Variants in ZC3H3 observed in about 807,000 individuals in gnomAD.
The protein encoded by ZC3H3 is zinc finger CCCH domain-containing protein 3.
In ZC3H3, 36 loss-of-function variants were observed where a neutral mutation model predicts 77.3. The ratio of observed to expected loss-of-function variants is 0.47; its 90% confidence interval spans 0.36 to 0.61. The LOEUF is 0.61. Among genes scored for constraint, ZC3H3 ranks in the 20% least tolerant of loss-of-function variants. ZC3H3 has a pLI of 0.00. For missense variants in ZC3H3, 1,331 were observed against 1,312.2 expected, an observed-to-expected ratio of 1.01 and a Z score of -0.22; for synonymous variants, 626 against 555.2, an observed-to-expected ratio of 1.13 and a Z score of -1.79.
chr8:143,490,171 G>A (rs1821163085), intron 4 of ZC3H3, among the ~76,000 whole-genome samples: 1 of 152,210 alleles, frequency 6.6e-6, no homozygotes. Context: ...TCCCCAGCAG[G>A]TGGGTGGGGC....
intron 4 of ZC3H3, among the ~76,000 whole-genome samples, chr8:143,504,297 A>G (rs1397626899): frequency 6.6e-6 from 1 of 152,090 alleles, no homozygotes; most frequent in Non-Finnish European, 1.5e-5. Context: ...AGTCCCCGCC[A>G]TGAGCATCAC....
intron 4 of ZC3H3, among the ~76,000 whole-genome samples, chr8:143,480,482 C>T (rs1047458840): frequency 1.3e-5 from 2 of 152,248 alleles, no homozygotes; most frequent in African/African-American, 4.8e-5. Context: ...TCACCCCAGG[C>T]CACGTCATTG....
chr8:143,449,838 T>C (rs561607468), intron 9 of ZC3H3, among the ~76,000 whole-genome samples: 11 of 151,626 alleles, frequency 7.3e-5, no homozygotes, highest in Non-Finnish European at 1.5e-4. Flanking sequence ...GGCAGGAACA[T>C]AGTGCAGCCA....
intron 4 of ZC3H3, among the ~76,000 whole-genome samples, chr8:143,483,094 G>A (rs751908633): frequency 5.3e-5 from 8 of 152,336 alleles, no homozygotes; most frequent in Non-Finnish European, 7.4e-5. Flanking sequence ...ACAATTTTTC[G>A]AAGCTTGGAG....
intron 9 of ZC3H3, among the ~76,000 whole-genome samples, chr8:143,446,553 C>G (rs945681895): frequency 6.6e-6 from 1 of 152,190 alleles, no homozygotes; most frequent in Non-Finnish European, 1.5e-5. Context: ...TTTCCAGAAG[C>G]GAAGACACAA....
chr8:143,457,745 T>C (rs766259708), intron 9 of ZC3H3, among the ~76,000 whole-genome samples: 3 of 152,176 alleles, frequency 2.0e-5, no homozygotes, highest in Non-Finnish European at 4.4e-5. Context: ...TATGCACCTA[T>C]AGTCCCACCT....
intron 9 of ZC3H3, among the ~76,000 whole-genome samples, chr8:143,461,391 T>C (rs946813521): frequency 3.9e-5 from 6 of 152,088 alleles, no homozygotes; most frequent in Admixed American, 1.3e-4. Flanking sequence ...AAAGCCTTGC[T>C]CGCTGCCGGC....
intron 4 of ZC3H3, among the ~76,000 whole-genome samples, chr8:143,478,425 C>T (rs528761706): frequency 7.0e-4 from 106 of 152,332 alleles, no homozygotes; most frequent in Admixed American, 4.4e-3. Context: ...TCCAGGACCG[C>T]CCCACCCACC....
chr8:143,446,888 C>T (rs1819874643), intron 9 of ZC3H3, among the ~76,000 whole-genome samples: 1 of 152,250 alleles, frequency 6.6e-6, no homozygotes, highest in African/African-American at 2.4e-5. Context: ...TGGTCGTCTG[C>T]CTTTTCTATC....
chr8:143,538,428 C>T lies in ZC3H3; in HGVS notation c.939G>A (p.Trp313Ter), dbSNP rs1169579926. Residue 313 changes from tryptophan (W) to a stop codon, truncating the protein, a stop_gained, in exon 2 of 12, where the codon TGG becomes TGA. Coordinates refer to ENST00000262577, the MANE Select transcript of ZC3H3 (RefSeq NM_015117.3). LOFTEE classifies it high-confidence loss of function. Reference protein sequence around the residue: ...TNKFRKNNYKWVAASSKSPRV... With the variant: ...TNKFRKNNYK ...GGGGACTCTTCGAGGAGGCAGCCAC[C>T]CATTTGTAGTTGTTTTTCCGGAACT... The T allele has an allele frequency of 1.2e-6, 2 of 1,613,086 alleles. No homozygotes were observed. The highest frequency in any genetic ancestry group is 3.3e-5 in the Admixed American group (2 of 60,008).
intron 7 of ZC3H3, 33 bp from the exon 8 acceptor site, chr8:143,468,311 G>T (rs748735595): frequency 6.2e-7 from 1 of 1,612,424 alleles, no homozygotes; most frequent in South Asian, 1.1e-5. Flanking sequence ...TATGAGGAAG[G>T]GCCGGCAGGG....
chr8:143,505,389 C>T, intron 4 of ZC3H3, among the ~76,000 whole-genome samples: 1 of 152,236 alleles, frequency 6.6e-6, no homozygotes, highest in Admixed American at 6.5e-5. Flanking sequence ...GGCCCAGACG[C>T]CCTTTCTGCC....
At position 143,468,362 on chromosome 8, in the gene ZC3H3, C is replaced by T; in HGVS notation, c.2105+20G>A. The T allele has an allele frequency of 6.2e-7, 1 of 1,611,954 alleles. No homozygotes were observed. The highest frequency in any genetic ancestry group is 8.5e-7 in the Non-Finnish European group (1 of 1,179,258). ...CTGCACAGAACCTCCCCCAGGCCCA[C>T]AGCGAGGGCAGGAGGGCACCTGGTG... On this transcript the variant is annotated intron_variant, in intron 7 of 11. Coordinates refer to ENST00000262577, the MANE Select transcript of ZC3H3 (RefSeq NM_015117.3).
rs914722026 is a variant in ZC3H3 at position 143,470,366 on chromosome 8, G to A, written c.1904-1707C>T. Among the ~76,000 whole-genome samples, 6 of 152,250 alleles carry A rather than the reference G, an allele frequency of 3.9e-5. No individual in the cohort carries two copies. The East Asian group carries it at 5.8e-4, about 15-fold the overall frequency. On this transcript the variant is annotated intron_variant, in intron 5 of 11. Transcript: ENST00000262577. ...GTTGAAGAACGCAGAAACCTGAGGC[G>A]TGTGGGGGGCCAGGGGCAAAGGGAG...
chr8:143,452,299 G>A (rs1233039183), intron 9 of ZC3H3, among the ~76,000 whole-genome samples: 1 of 152,166 alleles, frequency 6.6e-6, no homozygotes, highest in African/African-American at 2.4e-5. Context: ...CTTCCCCCAA[G>A]GCAGGGAGGG....
chr8:143,510,234 A>G (rs1821830358), intron 3 of ZC3H3, among the ~76,000 whole-genome samples: 1 of 152,172 alleles, frequency 6.6e-6, no homozygotes. Context: ...CGTCACCTAG[A>G]TAGACCCCTC....
At chr8:143,441,203 C>T (rs1370736343) in intron 9 of ZC3H3, 83 bp from the exon 10 acceptor site, 1 of 1,320,622 alleles carries the variant, frequency 7.6e-7, no homozygotes, top group Non-Finnish European at 9.7e-7. Context: ...CCAGGCCAGG[C>T]CCCCCGAGTA....
chr8:143,538,877 C>G lies in ZC3H3; in HGVS notation c.490G>C (p.Gly164Arg). 1 of 1,612,602 alleles carries G rather than the reference C, an allele frequency of 6.2e-7. No individual in the cohort carries two copies. Among genetic ancestry groups the G allele is most frequent in the Non-Finnish European group, 8.5e-7 (1 of 1,179,794 alleles). The change falls in exon 2 of 12, where the codon GGT becomes CGT. Residue 164 changes from glycine (G) to arginine (R), a missense_variant. Physicochemically the swap from Gly to Arg is moderately radical, Grantham distance 125. Transcript: ENST00000262577. ...TGCAGCTGTCCCCGAGGGGGCTCAC[C>G]TTCACCTTCCCGGGGCCTTTGGTCA... ...WSDQRPREGEGEPPRGQLQPS... is the reference protein window; with the variant it reads ...WSDQRPREGEREPPRGQLQPS...
At chr8:143,443,735 T>G (rs545469111) in intron 9 of ZC3H3, among the ~76,000 whole-genome samples, 34 of 152,316 alleles carry the variant, frequency 2.2e-4, no homozygotes, top group African/African-American at 7.9e-4. Context: ...AAGGAAGATG[T>G]AAACAATGTT....
Sources: gnomAD v4.1 joint callset for allele counts (sites outside exome capture counted in the v4.1 genomes callset) on GRCh38, gnomAD v4.1.1 for gene constraint, MANE v1.5 for transcripts, NCBI Gene and HGNC (gene_info 2026-07-23, HGNC 2026-07-21) for gene names.